SLC25A31: variants seen among roughly 807,000 people sequenced by gnomAD.
SLC25A31 encodes the protein ADP/ATP translocase 4.
In SLC25A31, 40 loss-of-function variants were observed where a neutral mutation model predicts 36.2. The observed-to-expected ratio is 1.10, with a 90% CI of 0.86 to 1.44. SLC25A31 has a LOEUF of 1.44. Among genes scored for constraint, SLC25A31 ranks in the 40% most tolerant of loss-of-function variants. The pLI is 0.00. For synonymous variants in SLC25A31, 143 were observed against 149.7 expected, an observed-to-expected ratio of 0.96 and a Z score of 0.32; for missense variants, 350 against 397.1, an observed-to-expected ratio of 0.88 and a Z score of 1.01.
At chr4:127,730,817 C>A (rs1309427048) in intron 1 of SLC25A31, 40 bp downstream of exon 1, 2 of 1,554,280 alleles carry the variant, frequency 1.3e-6, no homozygotes, top group Admixed American at 3.6e-5. Context: ...TCTCCCGGCG[C>A]CCTCGTCAGC....
At chr4:127,749,381 G>A (rs1022403653) in intron 2 of SLC25A31, among the ~76,000 whole-genome samples, 2 of 152,112 alleles carry the variant, frequency 1.3e-5, no homozygotes, top group Non-Finnish European at 2.9e-5. Flanking sequence ...CCAAATCTTT[G>A]GAAATGTATG....
At position 127,730,520 on chromosome 4, in the gene SLC25A31, T is replaced by C. The variant is rs936090717; in HGVS notation, c.-26T>C. 11 of 1,604,272 alleles carry C rather than the reference T, an allele frequency of 6.9e-6. No individual in the cohort carries two copies. Among genetic ancestry groups the C allele is most frequent in the South Asian group, 1.1e-5 (1 of 90,878 alleles). ...TCCCGTACTCATTTTTAGCCACTGC[T>C]GCCGGTTTTTATATCCTTCTCCATC... On this transcript the variant is annotated 5_prime_UTR_variant, in exon 1 of 6. Coordinates refer to ENST00000281154, the MANE Select transcript of SLC25A31 (RefSeq NM_031291.4).
At position 127,730,778 on chromosome 4, in the gene SLC25A31, G is replaced by T; in HGVS notation, c.232+1G>T. On this transcript the variant is annotated splice_donor_variant, in intron 1 of 5. Transcript: ENST00000281154. LOFTEE classifies it high-confidence loss of function. Reference sequence around the variant, plus strand: ...CTGGTGCGGATTCCTCGCGAGCAGGGTGCGTCAAGGCAGGCCGCCCCGACA... The same window carrying T: ...CTGGTGCGGATTCCTCGCGAGCAGGTTGCGTCAAGGCAGGCCGCCCCGACA... The T allele has an allele frequency of 1.2e-6, 2 of 1,606,178 alleles. No individual in the cohort carries two copies. Among genetic ancestry groups the T allele is most frequent in the South Asian group, 1.1e-5 (1 of 90,876 alleles).
intron 1 of SLC25A31, among the ~76,000 whole-genome samples, chr4:127,739,144 G>A (rs1731687850): frequency 6.6e-6 from 1 of 152,126 alleles, no homozygotes; most frequent in Non-Finnish European, 1.5e-5. Context: ...TTGTGAATTT[G>A]TTAGCTGGTT....
chr4:127,748,632 G>A (rs986931279), intron 2 of SLC25A31, among the ~76,000 whole-genome samples: 3 of 152,198 alleles, frequency 2.0e-5, no homozygotes, highest in Non-Finnish European at 4.4e-5. Flanking sequence ...GATAGGATAT[G>A]TGCTCACTAC....
rs1274204928 is a variant in SLC25A31 at position 127,767,082 on chromosome 4, AT to A, written c.497del (p.Phe166SerfsTer4). 3 of 1,611,320 alleles carry A rather than the reference AT, an allele frequency of 1.9e-6. No homozygotes were observed. The highest frequency in any genetic ancestry group is 2.5e-6 in the Non-Finnish European group (3 of 1,179,094). On this transcript the variant is annotated frameshift_variant, in exon 4 of 6. Transcript: ENST00000281154. LOFTEE classifies it high-confidence loss of function. Reference protein sequence around the residue: ...DIGKGPEERQFKGLGDCIMKI... With the variant: ...DIGKGPEERQXKGLGDCIMKI... ...TTATTTTAGGTCCTGAGGAGCGACA[AT>A]TCAAGGGTTTAGGTGACTGTATTAT...
rs764357111 is a variant in SLC25A31, at chr4:127,730,514, C to T, written c.-32C>T. 4 of 1,599,796 alleles carry T rather than the reference C, an allele frequency of 2.5e-6. No individual in the cohort carries two copies. The South Asian group carries it at 4.4e-5, about 18-fold the overall frequency. ...CGTAGCTCCCGTACTCATTTTTAGC[C>T]ACTGCTGCCGGTTTTTATATCCTTC... On this transcript the variant is annotated 5_prime_UTR_variant, in exon 1 of 6. Coordinates refer to ENST00000281154, the MANE Select transcript of SLC25A31 (RefSeq NM_031291.4).
rs1732419858 is a variant in SLC25A31 at position 127,773,994 on chromosome 4, A to G, written c.*420A>G. On this transcript the variant is annotated 3_prime_UTR_variant, in exon 6 of 6. Transcript: ENST00000281154. ...ATATTTCTTAAAAGCTTATCAATAG[A>G]TGTCATCATATGTGTAGGCAGAAAT... 1 of 154,160 alleles carries G rather than the reference A, an allele frequency of 6.5e-6. No individual in the cohort carries two copies. Among genetic ancestry groups the G allele is most frequent in the Non-Finnish European group, 1.4e-5 (1 of 69,464 alleles). 9.5% of individuals were successfully genotyped at this position (154,160 alleles called of 1,614,324 possible).
chr4:127,731,965 A>G lies in SLC25A31; in HGVS notation c.232+1188A>G, dbSNP rs545982963. ...AAGCACTGTCCTTATTTAAAATTTCATTTTTGTTCATCATTGATTTTTTCT... is the reference window on the plus strand; with the variant it reads ...AAGCACTGTCCTTATTTAAAATTTCGTTTTTGTTCATCATTGATTTTTTCT... On this transcript the variant is annotated intron_variant, in intron 1 of 5. Coordinates refer to ENST00000281154, the MANE Select transcript of SLC25A31 (RefSeq NM_031291.4). Among the ~76,000 whole-genome samples the G allele has an allele frequency of 8.3e-4, 127 of 152,236 alleles. 1 individual carries two copies. Among genetic ancestry groups the G allele is most frequent in the African/African-American group, 2.9e-3 (119 of 41,554 alleles).
intron 1 of SLC25A31, among the ~76,000 whole-genome samples, chr4:127,738,879 A>T (rs1284204302): frequency 6.6e-6 from 1 of 151,690 alleles, no homozygotes; most frequent in East Asian, 1.9e-4. Context: ...TGTCCTTTTT[A>T]TTTTTGCTGG....
intron 3 of SLC25A31, among the ~76,000 whole-genome samples, chr4:127,765,833 AT>A (rs934384874): frequency 6.6e-6 from 1 of 152,214 alleles, no homozygotes; most frequent in Non-Finnish European, 1.5e-5. Flanking sequence ...AGTTTCATCT[AT>A]TTAACTGGAA....
intron 2 of SLC25A31, among the ~76,000 whole-genome samples, chr4:127,750,536 C>T (rs571005854): frequency 6.6e-5 from 10 of 152,070 alleles, no homozygotes; most frequent in African/African-American, 1.7e-4. Flanking sequence ...TAATCCTTAA[C>T]GTCAGAAGAC....
At chr4:127,770,707 A>G (rs905342649) in intron 5 of SLC25A31, among the ~76,000 whole-genome samples, 13 of 152,080 alleles carry the variant, frequency 8.5e-5, no homozygotes, top group African/African-American at 3.1e-4. Flanking sequence ...TCACAACAGT[A>G]CAGAAAAAAA....
intron 2 of SLC25A31, among the ~76,000 whole-genome samples, chr4:127,758,803 G>A (rs1732077508): frequency 6.6e-6 from 1 of 152,040 alleles, no homozygotes; most frequent in East Asian, 1.9e-4. Flanking sequence ...TTGTTTCTGG[G>A]TTCTTTATTT....
intron 1 of SLC25A31, among the ~76,000 whole-genome samples, chr4:127,736,131 C>T (rs1731629163): frequency 1.3e-5 from 2 of 151,644 alleles, no homozygotes; most frequent in Non-Finnish European, 1.5e-5. Context: ...CCTCGTGATC[C>T]GCCCGCCTCG....
intron 4 of SLC25A31, among the ~76,000 whole-genome samples, chr4:127,767,750 G>A (rs1313612674): frequency 1.4e-5 from 2 of 144,854 alleles, no homozygotes; most frequent in African/African-American, 5.8e-5. Context: ...ACTTCCATGT[G>A]GTAGGAAAAA....
intron 2 of SLC25A31, among the ~76,000 whole-genome samples, chr4:127,753,765 G>T (rs1173508447): frequency 6.6e-6 from 1 of 151,998 alleles, no homozygotes; most frequent in Non-Finnish European, 1.5e-5. Context: ...CCTCCTCACA[G>T]TCTTCAAAAA....
chr4:127,773,324 A>AT, intron 5 of SLC25A31, 62 bp from the exon 6 acceptor site: 1 of 1,460,828 alleles, frequency 6.8e-7, no homozygotes, highest in Non-Finnish European at 9.3e-7. Context: ...GTGCTAATAG[A>AT]AGACTGTCTT....
intron 2 of SLC25A31, among the ~76,000 whole-genome samples, chr4:127,752,833 C>A (rs72681837): frequency 1.4e-4 from 22 of 152,256 alleles, no homozygotes; most frequent in Non-Finnish European, 2.6e-4. Flanking sequence ...CAACAATGGG[C>A]AGATCATCCA....
Sources: allele counts gnomAD v4.1 joint callset (sites outside exome capture counted in the v4.1 genomes callset), GRCh38; gene constraint gnomAD v4.1.1; transcripts MANE v1.5; gene names NCBI Gene and HGNC (gene_info 2026-07-23, HGNC 2026-07-21).